Variants in NDE1 observed in about 807,000 individuals in gnomAD.
NDE1 encodes the protein nuclear distribution protein nudE homolog 1.
A neutral mutation model predicts 43.4 loss-of-function variants in NDE1; 28 were observed. The observed-to-expected ratio is 0.65, with a 90% CI of 0.48 to 0.89. The LOEUF is 0.89. Ranked by LOEUF, NDE1 falls within the 40% of genes least tolerant of loss-of-function variation. NDE1 has a pLI of 0.00. For synonymous variants in NDE1, 184 were observed against 172.0 expected (o/e 1.07, Z -0.55); for missense variants, 441 against 434.1 (o/e 1.02, Z -0.14).
chr16:15,707,364 C>A (rs1672906594), intron 8 of NDE1, among the ~76,000 whole-genome samples: 1 of 152,148 alleles, frequency 6.6e-6, no homozygotes, highest in Non-Finnish European at 1.5e-5. Context: ...TCAGCTTATC[C>A]AAGGCCTCGG....
At chr16:15,703,482 C>T (rs1197605093) in intron 8 of NDE1, 1 of 266,600 alleles carries the variant, frequency 3.8e-6, no homozygotes, top group African/African-American at 2.2e-5. Flanking sequence ...AGTGTCTGCA[C>T]AATCCATTGA....
At chr16:15,690,353 CTTTTTTTTTTTTTTTTTTT>C (rs869069843) in intron 5 of NDE1, among the ~76,000 whole-genome samples, 3 of 80,952 alleles carry the variant, frequency 3.7e-5, no homozygotes, top group Admixed American at 1.9e-4. Flanking sequence ...TTTTTTTTTT[CTTTTTTTTTTTTTTTTTTT>C]TTTTTTTTTG....
intron 8 of NDE1, 141 bp downstream of exon 8, chr16:15,697,001 C>T: frequency 6.5e-7 from 1 of 1,535,216 alleles, no homozygotes; most frequent in Non-Finnish European, 8.7e-7. Flanking sequence ...CCTCTGCTCC[C>T]TGCAGGCAGC....
At chr16:15,670,747 A>G (rs2037553530) in intron 3 of NDE1, among the ~76,000 whole-genome samples, 1 of 151,944 alleles carries the variant, frequency 6.6e-6, no homozygotes, top group Non-Finnish European at 1.5e-5. Flanking sequence ...TGTTGCTGAC[A>G]CTTGGTGCTT....
chr16:15,704,354 C>T (rs912229632), intron 8 of NDE1, among the ~76,000 whole-genome samples: 13 of 151,988 alleles, frequency 8.6e-5, no homozygotes, highest in African/African-American at 2.9e-4. Context: ...AAATTGGTTG[C>T]GGGGGTGGGT....
intron 8 of NDE1, 53 bp from the exon 9 acceptor site, chr16:15,724,138 G>C (rs7193920): frequency 3.1e-6 from 5 of 1,611,938 alleles, no homozygotes; most frequent in Non-Finnish European, 3.4e-6. Flanking sequence ...TGGCCAGAGT[G>C]GGGGACACCC....
chr16:15,719,291 C>A, intron 8 of NDE1: 1 of 1,612,176 alleles, frequency 6.2e-7, no homozygotes. Flanking sequence ...TGCGAGCCCT[C>A]TCAGCGGCGG....
At chr16:15,714,194 A>T (rs916870846) in intron 8 of NDE1, 1 of 153,188 alleles carries the variant, frequency 6.5e-6, no homozygotes, top group Non-Finnish European at 1.5e-5. Flanking sequence ...TGGTGGAAGC[A>T]GCCCTTGGGA....
chr16:15,694,354 T>TC, intron 7 of NDE1, 98 bp downstream of exon 7: 1 of 1,499,864 alleles, frequency 6.7e-7, no homozygotes, highest in African/African-American at 1.4e-5. Context: ...TCTTTTTTTC[T>TC]TTTTTTTTAG....
At position 15,706,602 on chromosome 16, in the gene NDE1, G is replaced by A. The variant is rs192141881; in HGVS notation, c.947+9742G>A. Among the ~76,000 whole-genome samples the A allele has an allele frequency of 2.5e-3, 380 of 152,170 alleles. 4 individuals carry two copies. The highest frequency in any genetic ancestry group is 8.4e-3 in the African/African-American group (347 of 41,520). ...GGCGCCTGGAATCCCAGTCACTCAG[G>A]AGGCTGAGGCAGGAGAATTGCTTGA... On this transcript the variant is annotated intron_variant, in intron 8 of 8. Coordinates refer to ENST00000396354, the MANE Select transcript of NDE1 (RefSeq NM_017668.3).
At chr16:15,717,710 C>T (rs1483467389) in intron 8 of NDE1, 2 of 352,798 alleles carry the variant, frequency 5.7e-6, no homozygotes, top group South Asian at 6.1e-5. Flanking sequence ...GCAGGAGAAT[C>T]CCTTGAACTT....
chr16:15,689,939 A>T (rs1156547565), intron 5 of NDE1, among the ~76,000 whole-genome samples: 2 of 29,606 alleles, frequency 6.8e-5, no homozygotes, highest in Non-Finnish European at 1.1e-4. Context: ...ACTCCATCTC[A>T]AAAAAAAAAA....
At chr16:15,703,281 CTG>C in intron 8 of NDE1, 1 of 225,792 alleles carries the variant, frequency 4.4e-6, no homozygotes, top group Non-Finnish European at 8.8e-6. Flanking sequence ...CTGTGCGTGT[CTG>C]AGGTGTGGAA....
At chr16:15,685,148 T>C (rs553123823) in intron 4 of NDE1, among the ~76,000 whole-genome samples, 1 of 152,366 alleles carries the variant, frequency 6.6e-6, no homozygotes, top group Admixed American at 6.5e-5. Flanking sequence ...ACTCTACATA[T>C]TATTATGTGA....
At chr16:15,669,593 A>G (rs1167432685) in intron 3 of NDE1, among the ~76,000 whole-genome samples, 1 of 151,252 alleles carries the variant, frequency 6.6e-6, no homozygotes, top group Non-Finnish European at 1.5e-5. Context: ...ATCTCTTGAC[A>G]GTGTGATCTA....
rs941814628 is a variant in NDE1 at position 15,691,384 on chromosome 16, TGGGGTGGGTCCTG to T, written c.703+68_703+80del. On this transcript the variant is annotated intron_variant, in intron 6 of 8. Coordinates refer to ENST00000396354, the MANE Select transcript of NDE1 (RefSeq NM_017668.3). The stretch of plus-strand genomic sequence containing the variant: ...CACAAAGTGTTTCTGGGTAAGAATC[TGGGGTGGGTCCTG>T]GGGGTGTGATGATTTGCATCAGGCT... 2.0e-4 allele frequency: 310 copies of T among 1,564,300 alleles called. 3 individuals carry two copies. In the Middle Eastern group the frequency reaches 5.2e-3, roughly 26 times the overall value.
At chr16:15,687,310 ATCCGC>A (rs765050969) in intron 4 of NDE1, 60 bp from the exon 5 acceptor site, 2 of 1,612,070 alleles carry the variant, frequency 1.2e-6, no homozygotes, top group East Asian at 4.5e-5. Context: ...CACCTCCTGG[ATCCGC>A]GGTGCTGGAG....
intron 8 of NDE1, among the ~76,000 whole-genome samples, chr16:15,705,078 C>G (rs2039376134): frequency 6.6e-6 from 1 of 152,216 alleles, no homozygotes; most frequent in Non-Finnish European, 1.5e-5. Context: ...CTCCTGAGTT[C>G]CAGCAGTCCT....
In NDE1 at chr16:15,669,267, C is replaced by CACTGCA. The variant is rs1162109010; in HGVS notation, c.237+1831_237+1836dup. Among the ~76,000 whole-genome samples the CACTGCA allele has an allele frequency of 5.3e-5, 8 of 151,976 alleles. No individual in the cohort carries two copies. In the South Asian group the frequency reaches 1.7e-3, roughly 32 times the overall value. On this transcript the variant is annotated intron_variant, in intron 3 of 8. Coordinates refer to ENST00000396354, the MANE Select transcript of NDE1 (RefSeq NM_017668.3). The stretch of plus-strand genomic sequence containing the variant: ...GGAGTGCAGTGGCACAATCTCACCT[C>CACTGCA]ACTGCAACCTCCGCCTCCCAGGTTC...
Sources: gnomAD v4.1 joint callset for allele counts (sites outside exome capture counted in the v4.1 genomes callset) on GRCh38, gnomAD v4.1.1 for gene constraint, MANE v1.5 for transcripts, NCBI Gene and HGNC (gene_info 2026-07-23, HGNC 2026-07-21) for gene names.